The following SEMA3F variants were observed in gnomAD, a reference collection of about 807,000 sequenced individuals.
SEMA3F encodes the protein semaphorin-3F.
A neutral mutation model predicts 98.5 loss-of-function variants in SEMA3F; 30 were observed. The observed-to-expected ratio is 0.30, with a 90% confidence interval of 0.23 to 0.41. The LOEUF is 0.41. Among genes scored for constraint, SEMA3F ranks in the 10% least tolerant of loss-of-function variants. The pLI is 1.00. For synonymous variants in SEMA3F, 380 were observed against 444.8 expected (o/e 0.85, Z 1.83); for missense variants, 866 against 1,119.3 (o/e 0.77, Z 3.23).
rs199785454 is a variant in SEMA3F, at chr3:50,183,403, G to C, written c.1089-17G>C. ...TGGAGGGTCTGTCCTGCTCAGCAGC[G>C]CCTGCCATGCCCACAGCTCCGTGTT... On this transcript the variant is annotated splice_polypyrimidine_tract_variant and intron_variant, in intron 11 of 18. Coordinates refer to ENST00000002829, the MANE Select transcript of SEMA3F (RefSeq NM_004186.5). 2 of 1,613,494 alleles carry C rather than the reference G, an allele frequency of 1.2e-6. No individual in the cohort carries two copies. Among genetic ancestry groups the C allele is most frequent in the Non-Finnish European group, 1.7e-6 (2 of 1,179,884 alleles).
In SEMA3F at chr3:50,159,711, C is replaced by G; in HGVS notation, c.89C>G (p.Pro30Arg). 6.2e-7 allele frequency: 1 copy of G among 1,611,584 alleles called. No homozygotes were observed. The highest frequency in any genetic ancestry group is 8.5e-7 in the Non-Finnish European group (1 of 1,178,406). Residue 30 changes from proline to arginine, a missense_variant, in exon 2 of 19, where the codon CCC becomes CGC. By Grantham distance (103) the Pro-to-Arg change is moderately radical (BLOSUM62 -2). This residue lies in a region of SEMA3F where 247 missense variants were observed against 276.0 expected (regional missense o/e 0.89). Coordinates refer to ENST00000002829, the MANE Select transcript of SEMA3F (RefSeq NM_004186.5). ...ACCCAGGACCACCTCCCGGCCACGC[C>G]CCGGGTCCGGCTCTCATTCAAAGGT... ...FPTQDHLPATPRVRLSFKELK... is the reference protein window; with the variant it reads ...FPTQDHLPATRRVRLSFKELK...
rs926946835 is a variant in SEMA3F at position 50,166,039 on chromosome 3, A to G, written c.112+6305A>G. 1.3e-5 allele frequency among the ~76,000 whole-genome samples: 2 copies of G among 152,142 alleles called. No individual in the cohort carries two copies. The highest frequency in any genetic ancestry group is 6.5e-5 in the Admixed American group (1 of 15,282). ...GCAGGGCAAAGACAGACCCAAAGCA[A>G]CCGGCCCCTCCAGGGATCAGGAAGC... On this transcript the variant is annotated intron_variant, in intron 2 of 18. Coordinates refer to ENST00000002829, the MANE Select transcript of SEMA3F (RefSeq NM_004186.5). This position sits in a 1 kb window ranked among gnomAD's most constrained non-coding sequence, Gnocchi z 4.7.
intron 2 of SEMA3F, among the ~76,000 whole-genome samples, chr3:50,172,367 G>T (rs1465068731): frequency 2.0e-5 from 3 of 152,138 alleles, no homozygotes; most frequent in African/African-American, 7.2e-5. Context: ...GCTGGGGGTG[G>T]GTGGAGAGGG....
chr3:50,175,215 C>T (rs368960202), intron 6 of SEMA3F, 27 bp downstream of exon 6: 13 of 1,473,894 alleles, frequency 8.8e-6, no homozygotes, highest in Admixed American at 1.9e-5. Flanking sequence ...CAGGCCTTTG[C>T]CAGGCAGCAC....
In SEMA3F at chr3:50,188,327, CAG is replaced by C. The variant is rs1186405974; in HGVS notation, c.*215_*216del. 5.6e-6 allele frequency: 1 copy of C among 177,522 alleles called. No individual in the cohort carries two copies. Among genetic ancestry groups the C allele is most frequent in the Non-Finnish European group, 1.2e-5 (1 of 86,864 alleles). 11.0% of individuals were successfully genotyped at this position (177,522 alleles called of 1,614,324 possible). On this transcript the variant is annotated 3_prime_UTR_variant, in exon 19 of 19. Transcript: ENST00000002829. This position sits in a 1 kb window ranked among gnomAD's most constrained non-coding sequence, Gnocchi z 4.5. Reference sequence around the variant, plus strand: ...CATGCTGGTCAGAGACGGCAGAAAACAGAGCCTGCCTAACCAGGCCCAGCCAG... The same window carrying C: ...CATGCTGGTCAGAGACGGCAGAAAACAGCCTGCCTAACCAGGCCCAGCCAG...
At chr3:50,155,320 C>T, upstream of SEMA3F, 1 of 308,458 alleles carries the variant, frequency 3.2e-6, no homozygotes, top group South Asian at 1.4e-4. The surrounding 1 kb of genome is among the most constrained non-coding windows in gnomAD (Gnocchi z 4.9). Context: ...GGGGAGGCGG[C>T]CCCGAGCGCC....
chr3:50,155,720 G>A lies in SEMA3F; in HGVS notation c.-49+156G>A, dbSNP rs1483559951. ...GCGGACATAGGGGCAACAAGGCTGG[G>A]GTGGGATTCTTACCTGTCCTGGAGG... On this transcript the variant is annotated intron_variant, in intron 1 of 18. Coordinates refer to ENST00000002829, the MANE Select transcript of SEMA3F (RefSeq NM_004186.5). This position sits in a 1 kb window ranked among gnomAD's most constrained non-coding sequence, Gnocchi z 4.9. 4.3e-6 allele frequency: 1 copy of A among 230,588 alleles called. No homozygotes were observed. Among genetic ancestry groups the A allele is most frequent in the Non-Finnish European group, 8.4e-6 (1 of 119,384 alleles). 14.3% of individuals were successfully genotyped at this position (230,588 alleles called of 1,614,324 possible). A position where few individuals can be genotyped will look rare whatever the true frequency, so the allele number is the denominator to read the frequency against.
intron 10 of SEMA3F, 38 bp from the exon 11 acceptor site, chr3:50,183,148 C>A: frequency 6.2e-7 from 1 of 1,608,578 alleles, no homozygotes; most frequent in Non-Finnish European, 8.5e-7. Flanking sequence ...GGGCTCCCGC[C>A]CATGGCACCC....
rs544712017 is a variant in SEMA3F, at chr3:50,179,806, G to A, written c.644-2478G>A. Among the ~76,000 whole-genome samples, 5 of 152,316 alleles carry A rather than the reference G, an allele frequency of 3.3e-5. No homozygotes were observed. In the East Asian group the frequency reaches 9.7e-4, roughly 29 times the overall value. On this transcript the variant is annotated intron_variant, in intron 7 of 18. Transcript: ENST00000002829. Reference sequence around the variant, plus strand: ...AAACCTCATGAACCAGCCTCCGCTGGTTTCAAACCTTTCTTCTCCAGCTTC... The same window carrying A: ...AAACCTCATGAACCAGCCTCCGCTGATTTCAAACCTTTCTTCTCCAGCTTC...
Position 50,187,880 on chromosome 3 carries a change from C to T in SEMA3F, c.2123C>T (p.Pro708Leu), listed in dbSNP as rs1361594340. The change falls in exon 19 of 19, where the codon CCA (proline) becomes CTA (leucine). Residue 708 changes from proline to leucine, a missense_variant. Coordinates refer to ENST00000002829, the MANE Select transcript of SEMA3F (RefSeq NM_004186.5). The stretch of plus-strand genomic sequence containing the variant: ...GACGCCGTCCATGCTGCCCTCTTCC[C>T]ACCACTGTCCATGAGCGCCCCGCCA... ...GRDAVHAALF[P>L]PLSMSAPPPP... 5 of 1,612,034 alleles carry T rather than the reference C, an allele frequency of 3.1e-6. No homozygotes were observed. Among genetic ancestry groups the T allele is most frequent in the Non-Finnish European group, 4.2e-6 (5 of 1,179,228 alleles).
intron 13 of SEMA3F, 80 bp from the exon 14 acceptor site, chr3:50,185,363 C>T (rs1699169377): frequency 7.3e-7 from 1 of 1,374,236 alleles, no homozygotes. Context: ...GGTTTGGGCC[C>T]TGGTGGGGGA....
chr3:50,159,876 A>G, intron 2 of SEMA3F, 142 bp downstream of exon 2: 1 of 642,906 alleles, frequency 1.6e-6, no homozygotes, highest in African/African-American at 1.9e-5. Context: ...GAGAAGGGAG[A>G]CCGGGGAGGT....
At chr3:50,172,490 A>G (rs1698654956) in intron 2 of SEMA3F, among the ~76,000 whole-genome samples, 1 of 151,958 alleles carries the variant, frequency 6.6e-6, no homozygotes, top group Non-Finnish European at 1.5e-5. Context: ...CATCCTTAGG[A>G]AGGACTTTTC....
At chr3:50,187,401 C>T (rs578227063) in intron 18 of SEMA3F, among the ~76,000 whole-genome samples, 12 of 130,774 alleles carry the variant, frequency 9.2e-5, no homozygotes, top group Admixed American at 4.9e-4. Context: ...CTAGCCTAGG[C>T]GACAGAGCCA....
At chr3:50,171,002 C>A (rs1172010371) in intron 2 of SEMA3F, among the ~76,000 whole-genome samples, 1 of 152,208 alleles carries the variant, frequency 6.6e-6, no homozygotes, top group African/African-American at 2.4e-5. Context: ...GCCTCCCCCT[C>A]CTTCAGCCAT....
chr3:50,159,524 T>C (rs1180337119), intron 1 of SEMA3F, 51 bp from the exon 2 acceptor site: 5 of 689,548 alleles, frequency 7.3e-6, no homozygotes, highest in Non-Finnish European at 9.9e-6. Flanking sequence ...TGGGTAGAAA[T>C]TGAACTCCCC....
At chr3:50,164,968 G>A (rs1261955283) in intron 2 of SEMA3F, among the ~76,000 whole-genome samples, 3 of 152,234 alleles carry the variant, frequency 2.0e-5, no homozygotes, top group Non-Finnish European at 4.4e-5. Context: ...CTGGTGTGCA[G>A]GTGAGGGCAG....
chr3:50,168,492 G>A (rs1252558147), intron 2 of SEMA3F, among the ~76,000 whole-genome samples: 2 of 152,134 alleles, frequency 1.3e-5, no homozygotes, highest in Non-Finnish European at 2.9e-5. Context: ...GTGGCGTTGG[G>A]GTGTAAGTGG....
intron 2 of SEMA3F, among the ~76,000 whole-genome samples, chr3:50,167,882 A>G (rs60429865): frequency 0.056 from 8,593 of 152,112 alleles, 305 homozygotes; most frequent in Non-Finnish European, 0.078. Context: ...AGGAGCCAAC[A>G]TTTCCCACCA....
Sources: gnomAD v4.1 joint callset for allele counts (sites outside exome capture counted in the v4.1 genomes callset) on GRCh38, gnomAD v4.1.1 for gene constraint, gnomAD v4.1.1 regional missense constraint, Gnocchi (gnomAD v3.1) non-coding constraint, MANE v1.5 for transcripts, NCBI Gene and HGNC (gene_info 2026-07-23, HGNC 2026-07-21) for gene names.